DYM: variants seen among roughly 807,000 people sequenced by gnomAD.
DYM encodes dyggve-Melchior-Clausen syndrome protein.
In DYM, 78 loss-of-function variants were observed where a neutral mutation model predicts 93.1. That is an observed-to-expected ratio of 0.84 (90% CI 0.70 to 1.01). The LOEUF is 1.01. Among genes scored for constraint, DYM ranks in the 50% least tolerant of loss-of-function variants. The probability of loss-of-function intolerance (pLI) is 0.00; values close to 1 mark genes in which losing one functional copy is unlikely to be tolerated. For synonymous variants in DYM, 321 were observed against 319.7 expected (o/e 1.00, Z -0.04); for missense variants, 789 against 845.0 (o/e 0.93, Z 0.82).
chr18:49,289,217 T>A (rs2059859978), intron 8 of DYM, among the ~76,000 whole-genome samples: 1 of 151,946 alleles, frequency 6.6e-6, no homozygotes, highest in Non-Finnish European at 1.5e-5. Context: ...GTATAAACCT[T>A]GAGTCAGGGA....
At chr18:49,441,108 A>ATATATAAT (rs1221239050) in intron 1 of DYM, among the ~76,000 whole-genome samples, 1 of 7,190 alleles carries the variant, frequency 1.4e-4, no homozygotes, top group Admixed American at 2.9e-3. Context: ...AATATATATT[A>ATATATAAT]ATATAAATAT....
At chr18:49,283,732 A>G (rs140756005) in intron 9 of DYM, among the ~76,000 whole-genome samples, 65 of 152,350 alleles carry the variant, frequency 4.3e-4, no homozygotes, top group Non-Finnish European at 6.0e-4. Context: ...AGCACTACCA[A>G]AACAAAACAA....
intron 2 of DYM, among the ~76,000 whole-genome samples, chr18:49,417,314 A>G (rs530334343): frequency 6.6e-6 from 1 of 151,800 alleles, no homozygotes; most frequent in South Asian, 2.1e-4. Flanking sequence ...GAGCTCAGCT[A>G]ATTTTTTTAT....
At chr18:49,197,196 G>T (rs1438528914) in intron 14 of DYM, among the ~76,000 whole-genome samples, 2 of 152,188 alleles carry the variant, frequency 1.3e-5, no homozygotes, top group African/African-American at 2.4e-5. Context: ...CAGAGTTTCA[G>T]CTGGACTATC....
chr18:49,313,708 A>G (rs752753389), intron 8 of DYM, among the ~76,000 whole-genome samples: 10 of 152,070 alleles, frequency 6.6e-5, no homozygotes, highest in Admixed American at 6.5e-4. Flanking sequence ...ACTTTACTGT[A>G]TGGATTCACC....
chr18:49,380,460 T>C (rs1010383484), intron 3 of DYM, among the ~76,000 whole-genome samples: 1 of 152,168 alleles, frequency 6.6e-6, no homozygotes, highest in South Asian at 2.1e-4. Flanking sequence ...GAGTAGGTGC[T>C]TTACATGCAT....
At chr18:49,433,665 C>T (rs752122358) in intron 1 of DYM, among the ~76,000 whole-genome samples, 1 of 151,944 alleles carries the variant, frequency 6.6e-6, no homozygotes. Context: ...GCCAGAAGTT[C>T]GAGACTAACC....
chr18:49,091,528 G>A (rs991520927), intron 17 of DYM, among the ~76,000 whole-genome samples: 6 of 152,078 alleles, frequency 3.9e-5, no homozygotes, highest in African/African-American at 1.4e-4. Context: ...TGTGTTTGGA[G>A]CAATTACCTA....
At chr18:49,091,180 T>C (rs1182669289) in intron 17 of DYM, among the ~76,000 whole-genome samples, 1 of 152,002 alleles carries the variant, frequency 6.6e-6, no homozygotes, top group Non-Finnish European at 1.5e-5. Context: ...ATTCAGCAAA[T>C]ATTAAAGTGC....
intron 14 of DYM, among the ~76,000 whole-genome samples, chr18:49,197,040 C>T (rs371625557): frequency 6.6e-6 from 1 of 152,040 alleles, no homozygotes; most frequent in Non-Finnish European, 1.5e-5. Flanking sequence ...AGATGGTGGG[C>T]AGAAGCAACT....
chr18:49,191,360 G>A lies in DYM; in HGVS notation c.1625+18191C>T, dbSNP rs964748133. Among the ~76,000 whole-genome samples the A allele has an allele frequency of 3.3e-5, 5 of 151,840 alleles. No homozygotes were observed. The East Asian group carries it at 9.7e-4, about 29-fold the overall frequency. ...AAAACTTAACCTTTTGGGTTACCTTGAAAATCTGCCTATAAATGCTTACTT... is the reference window on the plus strand; with the variant it reads ...AAAACTTAACCTTTTGGGTTACCTTAAAAATCTGCCTATAAATGCTTACTT... On this transcript the variant is annotated intron_variant, in intron 14 of 17. Coordinates refer to ENST00000675505, the MANE Select transcript of DYM (RefSeq NM_001353214.3).
chr18:49,283,919 C>CT (rs2095053948), intron 9 of DYM, among the ~76,000 whole-genome samples: 1 of 152,128 alleles, frequency 6.6e-6, no homozygotes, highest in Non-Finnish European at 1.5e-5. Context: ...GAAATATAGA[C>CT]TATTTTTTCA....
chr18:49,434,148 A>G (rs2080596047), intron 1 of DYM, among the ~76,000 whole-genome samples: 1 of 152,146 alleles, frequency 6.6e-6, no homozygotes, highest in Non-Finnish European at 1.5e-5. Context: ...GATCGAGACC[A>G]TCCTGGCCAA....
At chr18:49,170,236 C>T (rs2088489096) in intron 14 of DYM, among the ~76,000 whole-genome samples, 1 of 152,132 alleles carries the variant, frequency 6.6e-6, no homozygotes. Flanking sequence ...CCCAGGCACA[C>T]AGCTAAGTGG....
At chr18:49,372,512 G>A (rs1244021354) in intron 5 of DYM, among the ~76,000 whole-genome samples, 1 of 152,200 alleles carries the variant, frequency 6.6e-6, no homozygotes, top group East Asian at 1.9e-4. Flanking sequence ...GGAGGCCGAG[G>A]CAGGCAGATC....
intron 14 of DYM, among the ~76,000 whole-genome samples, chr18:49,179,084 A>T (rs2089667056): frequency 6.6e-6 from 1 of 152,100 alleles, no homozygotes; most frequent in Non-Finnish European, 1.5e-5. Flanking sequence ...GATGAAAAAC[A>T]AGAGAGGTGA....
chr18:49,082,900 T>C (rs1477980710), intron 17 of DYM, among the ~76,000 whole-genome samples: 3 of 152,232 alleles, frequency 2.0e-5, no homozygotes. Context: ...TCTTTCATCA[T>C]TATGTGTGAC....
At chr18:49,175,283 C>A (rs892828932) in intron 14 of DYM, among the ~76,000 whole-genome samples, 11 of 152,130 alleles carry the variant, frequency 7.2e-5, no homozygotes, top group African/African-American at 2.7e-4. Flanking sequence ...CGTTCTTACT[C>A]CAATAAAAGA....
At chr18:49,086,893 T>C (rs919408543) in intron 17 of DYM, among the ~76,000 whole-genome samples, 3 of 151,474 alleles carry the variant, frequency 2.0e-5, no homozygotes, top group Admixed American at 6.6e-5. Flanking sequence ...GAGACTGAGG[T>C]AGGAGAATTG....
Sources: gnomAD v4.1 joint callset for allele counts (sites outside exome capture counted in the v4.1 genomes callset) on GRCh38, gnomAD v4.1.1 for gene constraint, MANE v1.5 for transcripts, NCBI Gene and HGNC (gene_info 2026-07-23, HGNC 2026-07-21) for gene names.